The following COG5 variants were observed in gnomAD, a reference collection of about 807,000 sequenced individuals.
COG5 encodes component of oligomeric golgi complex 5.
A neutral mutation model predicts 110.4 loss-of-function variants in COG5; 86 were observed. The observed-to-expected ratio is 0.78, with a 90% CI of 0.65 to 0.93. The LOEUF (loss-of-function observed/expected upper bound fraction) is 0.93, where lower values mean the gene tolerates loss of function less well. Among genes scored for constraint, COG5 ranks in the 40% least tolerant of loss-of-function variants. COG5 has a pLI of 0.00. For missense variants in COG5, 1,077 were observed against 987.0 expected, an observed-to-expected ratio of 1.09 and a Z score of -1.22; for synonymous variants, 360 against 334.6, an observed-to-expected ratio of 1.08 and a Z score of -0.83.
intron 7 of COG5, among the ~76,000 whole-genome samples, chr7:107,408,931 A>G (rs950429126): frequency 2.6e-5 from 4 of 152,150 alleles, no homozygotes; most frequent in Admixed American, 1.3e-4. Context: ...CCTCCCAACC[A>G]TATCCTATAA....
chr7:107,436,126 G>C lies in COG5; in HGVS notation c.539-23494C>G, dbSNP rs548850318. Among the ~76,000 whole-genome samples the C allele has an allele frequency of 5.9e-5, 9 of 152,312 alleles. No homozygotes were observed. In the East Asian group the frequency reaches 1.7e-3, roughly 29 times the overall value. ...GTAGAGAATAGACTGGTGATAACCA[G>C]ACAGAAGTTGGGAAGGATGGGGAGA... On this transcript the variant is annotated intron_variant, in intron 6 of 21. Transcript: ENST00000297135.
Position 107,365,901 on chromosome 7 carries a change from C to A in COG5, c.836-3481G>T, listed in dbSNP as rs150865837. ...CAACAAACCTAAATTAAATTGCAGA[C>A]TGCTTCAGGTATCTCCCTTCAGCCA... On this transcript the variant is annotated intron_variant, in intron 8 of 21. Transcript: ENST00000297135. 1.9e-4 allele frequency among the ~76,000 whole-genome samples: 29 copies of A among 152,244 alleles called. No homozygotes were observed. In the East Asian group the frequency reaches 5.6e-3, roughly 29 times the overall value.
chr7:107,361,277 T>C (rs578202935), intron 10 of COG5, among the ~76,000 whole-genome samples: 11 of 152,254 alleles, frequency 7.2e-5, no homozygotes, highest in African/African-American at 2.2e-4. Flanking sequence ...GGCTAGTAGA[T>C]TGGTGGAAGA....
intron 17 of COG5, among the ~76,000 whole-genome samples, chr7:107,240,592 C>T (rs964729410): frequency 4.6e-5 from 7 of 152,130 alleles, no homozygotes; most frequent in African/African-American, 1.7e-4. Flanking sequence ...AACTTTATTC[C>T]TTTTACTTAG....
At chr7:107,539,539 G>A (rs758703035) in intron 5 of COG5, among the ~76,000 whole-genome samples, 3 of 152,178 alleles carry the variant, frequency 2.0e-5, no homozygotes, top group Non-Finnish European at 4.4e-5. Flanking sequence ...AGAGCTTGGC[G>A]TAGAGAAGTG....
chr7:107,295,038 TACACACACACAC>T (rs1249923848), intron 12 of COG5, among the ~76,000 whole-genome samples: 4 of 53,378 alleles, frequency 7.5e-5, no homozygotes, highest in African/African-American at 2.1e-4. Context: ...CACACACATA[TACACACACACAC>T]ACACACACAC....
intron 10 of COG5, among the ~76,000 whole-genome samples, chr7:107,339,847 T>G (rs1396218251): frequency 6.6e-6 from 1 of 152,066 alleles, no homozygotes; most frequent in Admixed American, 6.5e-5. Flanking sequence ...CCGAAATCTC[T>G]GTGATGCAGC....
chr7:107,409,955 G>A (rs1209177878), intron 7 of COG5, among the ~76,000 whole-genome samples: 4 of 152,174 alleles, frequency 2.6e-5, no homozygotes, highest in African/African-American at 4.8e-5. Flanking sequence ...AGTAATTGAA[G>A]CCCAGCTGCA....
intron 10 of COG5, among the ~76,000 whole-genome samples, chr7:107,358,667 T>C (rs1562987442): frequency 6.6e-6 from 1 of 152,184 alleles, no homozygotes. Context: ...ACAAACAATA[T>C]GGTTTATACT....
chr7:107,295,062 CACACATATATAT>C (rs1361757397), intron 12 of COG5, among the ~76,000 whole-genome samples: 112 of 56,168 alleles, frequency 2.0e-3, no homozygotes, highest in Admixed American at 2.6e-3. Context: ...CACACACACA[CACACATATATAT>C]ATATATATAT....
chr7:107,396,172 T>G (rs1244197977), intron 7 of COG5, among the ~76,000 whole-genome samples: 1 of 152,098 alleles, frequency 6.6e-6, no homozygotes, highest in African/African-American at 2.4e-5. Context: ...TTAATGGAGC[T>G]CCATGGGAGA....
chr7:107,449,011 G>A (rs1310797265), intron 6 of COG5, among the ~76,000 whole-genome samples: 1 of 152,062 alleles, frequency 6.6e-6, no homozygotes, highest in Admixed American at 6.6e-5. Context: ...ATTCACAGTT[G>A]AGAAAAATGT....
chr7:107,321,756 G>A lies in COG5; in HGVS notation c.1108+2684C>T, dbSNP rs142332198. Reference sequence around the variant, plus strand: ...ATACACGAAAATTAACTCAAACCTAGTAAAACTTCTAAAATAAAATGTAAG... The same window carrying A: ...ATACACGAAAATTAACTCAAACCTAATAAAACTTCTAAAATAAAATGTAAG... On this transcript the variant is annotated intron_variant, in intron 11 of 21. Coordinates refer to ENST00000297135, the MANE Select transcript of COG5 (RefSeq NM_006348.5). Among the ~76,000 whole-genome samples the A allele has an allele frequency of 8.5e-4, 130 of 152,180 alleles. 2 individuals are homozygous for A. The highest frequency in any genetic ancestry group is 1.8e-4 in the Non-Finnish European group (12 of 68,002).
chr7:107,545,281 G>C (rs1802327246), intron 5 of COG5, among the ~76,000 whole-genome samples: 1 of 152,090 alleles, frequency 6.6e-6, no homozygotes, highest in African/African-American at 2.4e-5. Context: ...GAAACTCAAA[G>C]ATCTCCAATC....
intron 8 of COG5, among the ~76,000 whole-genome samples, chr7:107,362,652 T>C (rs796706689): frequency 3.3e-5 from 5 of 151,968 alleles, no homozygotes; most frequent in African/African-American, 9.6e-5. Flanking sequence ...ACAAGAGGTG[T>C]GAGAATGGTG....
intron 19 of COG5, among the ~76,000 whole-genome samples, chr7:107,221,112 T>G (rs899360728): frequency 1.3e-5 from 2 of 152,118 alleles, no homozygotes; most frequent in African/African-American, 4.8e-5. Context: ...CCACTGCACC[T>G]GGCTTCATGC....
chr7:107,370,800 A>T (rs924470357), intron 8 of COG5, among the ~76,000 whole-genome samples: 1 of 138,746 alleles, frequency 7.2e-6, no homozygotes, highest in Non-Finnish European at 1.6e-5. Context: ...AAAAAAAAAA[A>T]TTTATATATA....
intron 1 of COG5, among the ~76,000 whole-genome samples, chr7:107,563,131 CT>C (rs1311023935): frequency 6.6e-6 from 1 of 152,140 alleles, no homozygotes; most frequent in East Asian, 1.9e-4. Context: ...ACTGAATATG[CT>C]TTTCAAGTAT....
rs537071568 is a variant in COG5, at chr7:107,463,880, G to A, written c.539-51248C>T. 2.6e-5 allele frequency among the ~76,000 whole-genome samples: 4 copies of A among 152,174 alleles called. No homozygotes were observed. In the East Asian group the frequency reaches 5.8e-4, roughly 22 times the overall value. On this transcript the variant is annotated intron_variant, in intron 6 of 21. Transcript: ENST00000297135. ...GCTTGGGCCTAGGGGTCTCTAATTTGCCCCTGTGCATGCTGCTAGAACTCC... is the reference window on the plus strand; with the variant it reads ...GCTTGGGCCTAGGGGTCTCTAATTTACCCCTGTGCATGCTGCTAGAACTCC...
Sources: allele counts gnomAD v4.1 joint callset (sites outside exome capture counted in the v4.1 genomes callset), GRCh38; gene constraint gnomAD v4.1.1; transcripts MANE v1.5; gene names NCBI Gene and HGNC (gene_info 2026-07-23, HGNC 2026-07-21).